The following MGAT5 variants were observed in gnomAD, a reference collection of about 807,000 sequenced individuals.
MGAT5 encodes the protein alpha-1,6-mannosylglycoprotein 6-beta-N-acetylglucosaminyltransferase.
Under a neutral mutation model 94.3 loss-of-function variants are expected in MGAT5, and 30 were observed. The ratio of observed to expected loss-of-function variants is 0.32; its 90% confidence interval spans 0.24 to 0.43. The LOEUF (loss-of-function observed/expected upper bound fraction) is 0.43. Ranked by LOEUF, MGAT5 falls within the 20% of genes least tolerant of loss-of-function variation. The pLI, the probability that MGAT5 is intolerant of heterozygous loss-of-function variation, is 1.00. For synonymous variants in MGAT5, 310 were observed against 322.9 expected, an observed-to-expected ratio of 0.96 and a Z score of 0.43; for missense variants, 691 against 905.5, an observed-to-expected ratio of 0.76 and a Z score of 3.04.
chr2:134,278,801 T>C (rs1230164487), intron 2 of MGAT5, among the ~76,000 whole-genome samples: 2 of 152,182 alleles, frequency 1.3e-5, no homozygotes, highest in Admixed American at 6.5e-5. Context: ...CTTAACATGT[T>C]TTTGTCCACA....
chr2:134,428,808 A>T (rs966653105), intron 14 of MGAT5, among the ~76,000 whole-genome samples: 8 of 152,230 alleles, frequency 5.3e-5, no homozygotes, highest in Non-Finnish European at 1.5e-5. Context: ...TTAATAATAC[A>T]TGTTCAGCAA....
intron 1 of MGAT5, among the ~76,000 whole-genome samples, chr2:134,163,721 C>A (rs1299769631): frequency 6.6e-6 from 1 of 152,142 alleles, no homozygotes; most frequent in African/African-American, 2.4e-5. Context: ...GGTTTCTTGT[C>A]TTAGCTCTAC....
Position 134,177,171 on chromosome 2 carries a change from CTATT to C in MGAT5, c.-143+56884_-143+56887del, listed in dbSNP as rs1359435241. Among the ~76,000 whole-genome samples, 3 of 19,644 alleles carry C rather than the reference CTATT, an allele frequency of 1.5e-4. No individual in the cohort carries two copies. The African/African-American group carries it at 1.9e-3, about 12-fold the overall frequency. 12.9% of individuals were successfully genotyped at this position (19,644 alleles called of 152,430 possible). ...TGTGTGTGTGTGTGTGTATGTATCT[CTATT>C]TATAGTAATCTTGCATCTAGTGTAA... is the stretch of plus-strand genomic sequence containing the variant. On this transcript the variant is annotated intron_variant, in intron 1 of 16. Transcript: ENST00000409645.
intron 1 of MGAT5, among the ~76,000 whole-genome samples, chr2:134,232,812 G>A (rs960271041): frequency 4.6e-5 from 7 of 152,102 alleles, no homozygotes; most frequent in East Asian, 1.9e-4. Context: ...TTGATTCTGT[G>A]GGTGGTGGTT....
chr2:134,274,316 T>C (rs1360561980), intron 2 of MGAT5, among the ~76,000 whole-genome samples: 1 of 152,228 alleles, frequency 6.6e-6, no homozygotes. Context: ...TAGTTCTTCT[T>C]CTCAATTTAC....
intron 1 of MGAT5, among the ~76,000 whole-genome samples, chr2:134,169,387 T>TACACACACACACAC (rs61268974): frequency 4.3e-5 from 6 of 138,668 alleles, no homozygotes; most frequent in Admixed American, 2.9e-4. Context: ...AATTTAAAAA[T>TACACACACACACAC]ACACACACAC....
At chr2:134,317,495 C>T (rs1687060668) in intron 2 of MGAT5, 34 bp from the exon 3 acceptor site, 1 of 1,450,260 alleles carries the variant, frequency 6.9e-7, no homozygotes. Flanking sequence ...TTATAGATCT[C>T]ATTGTATCCT....
intron 2 of MGAT5, among the ~76,000 whole-genome samples, chr2:134,312,202 C>A (rs1303876147): frequency 1.3e-5 from 2 of 152,146 alleles, no homozygotes; most frequent in Non-Finnish European, 2.9e-5. Flanking sequence ...CCACTGCACT[C>A]CAACCTAGGT....
chr2:134,381,024 T>A (rs996554844), intron 10 of MGAT5, among the ~76,000 whole-genome samples: 1 of 152,088 alleles, frequency 6.6e-6, no homozygotes, highest in African/African-American at 2.4e-5. Flanking sequence ...TTGCTCTTTT[T>A]AAAATCCACC....
chr2:134,403,832 C>G (rs1683193324), intron 11 of MGAT5, among the ~76,000 whole-genome samples: 1 of 152,236 alleles, frequency 6.6e-6, no homozygotes. Flanking sequence ...CTGATTGGCA[C>G]AGATGGAGGC....
chr2:134,431,231 T>C (rs1684858733), intron 14 of MGAT5, among the ~76,000 whole-genome samples: 1 of 152,058 alleles, frequency 6.6e-6, no homozygotes, highest in East Asian at 1.9e-4. Context: ...TCTGGGATAA[T>C]AGGAAGCTAA....
Position 134,422,927 on chromosome 2 carries a change from C to A in MGAT5, c.1794+8C>A. 1 of 1,589,558 alleles carries A rather than the reference C, an allele frequency of 6.3e-7. No homozygotes were observed. The highest frequency in any genetic ancestry group is 8.6e-7 in the Non-Finnish European group (1 of 1,158,048). On this transcript the variant is annotated splice_region_variant and intron_variant, in intron 13 of 15. Transcript: ENST00000281923. Reference sequence around the variant, plus strand: ...GCAATTTTAAATCAGAAGGTTGGTTCATTTTATTCCACTTTCCCTCCTTTC... The same window carrying A: ...GCAATTTTAAATCAGAAGGTTGGTTAATTTTATTCCACTTTCCCTCCTTTC...
chr2:134,326,245 C>G (rs1191636242), intron 4 of MGAT5, among the ~76,000 whole-genome samples: 6 of 151,914 alleles, frequency 3.9e-5, no homozygotes, highest in African/African-American at 9.7e-5. Flanking sequence ...GAATTTCCAG[C>G]TTTTCTTCTT....
chr2:134,365,488 G>T (rs1177575827), intron 10 of MGAT5, among the ~76,000 whole-genome samples: 3 of 152,180 alleles, frequency 2.0e-5, no homozygotes, highest in African/African-American at 7.2e-5. Context: ...TCAAAAAAAT[G>T]CGTCTGTGGC....
At chr2:134,184,749 TGAGAGCAGAGAACATGACTGAGCA>T (rs2105191635) in intron 1 of MGAT5, among the ~76,000 whole-genome samples, 1 of 152,140 alleles carries the variant, frequency 6.6e-6, no homozygotes, top group Non-Finnish European at 1.5e-5. Context: ...TACTACATTT[TGAGAGCAGAGAACATGACTGAGCA>T]GAGAGCAGAG....
At chr2:134,290,102 T>C (rs1051107001) in intron 2 of MGAT5, among the ~76,000 whole-genome samples, 7 of 152,180 alleles carry the variant, frequency 4.6e-5, no homozygotes, top group African/African-American at 1.7e-4. Context: ...TTCCAGGTCA[T>C]GCAGATTCAA....
intron 1 of MGAT5, among the ~76,000 whole-genome samples, chr2:134,241,840 C>T (rs959336979): frequency 7.2e-5 from 11 of 152,124 alleles, no homozygotes; most frequent in Non-Finnish European, 1.5e-4. Flanking sequence ...CAAAGCCGAC[C>T]TAGAGCAATG....
intron 12 of MGAT5, among the ~76,000 whole-genome samples, chr2:134,418,775 A>G (rs1684113969): frequency 6.6e-6 from 1 of 152,234 alleles, no homozygotes; most frequent in Admixed American, 6.5e-5. Flanking sequence ...AGAAGCATGA[A>G]TACTGACAAG....
intron 1 of MGAT5, among the ~76,000 whole-genome samples, chr2:134,183,982 T>G (rs961176842): frequency 6.6e-6 from 1 of 152,266 alleles, no homozygotes; most frequent in South Asian, 2.1e-4. Flanking sequence ...AGTTGCTTTT[T>G]TAGCTCACTT....
Sources: allele counts gnomAD v4.1 joint callset (sites outside exome capture counted in the v4.1 genomes callset), GRCh38; gene constraint gnomAD v4.1.1; transcripts MANE v1.5; gene names NCBI Gene and HGNC (gene_info 2026-07-23, HGNC 2026-07-21).